The following PCDH15 variants were observed in gnomAD, a reference collection of about 807,000 sequenced individuals.
PCDH15 encodes the protein protocadherin related 15, also known as protocadherin-15.
PCDH15 carries 129 observed loss-of-function variants against 178.5 expected under a neutral mutation model. The observed-to-expected ratio is 0.72, with a 90% CI of 0.63 to 0.84. The LOEUF is 0.84. Ranked by LOEUF, PCDH15 falls within the 40% of genes least tolerant of loss-of-function variation. The pLI, the probability that PCDH15 is intolerant of heterozygous loss-of-function variation, is 0.00. For missense variants in PCDH15, 2,230 were observed against 2,099.9 expected (o/e 1.06, Z -1.21); for synonymous variants, 800 against 732.0 (o/e 1.09, Z -1.50).
intron 2 of PCDH15, among the ~76,000 whole-genome samples, chr10:54,640,037 G>T (rs1024243437): frequency 6.6e-6 from 1 of 152,166 alleles, no homozygotes; most frequent in East Asian, 1.9e-4. Flanking sequence ...GTGCATCACG[G>T]TCATACCTGT....
intron 1 of PCDH15, among the ~76,000 whole-genome samples, chr10:55,225,451 A>G (rs1260106945): frequency 6.6e-6 from 1 of 152,116 alleles, no homozygotes; most frequent in African/African-American, 2.4e-5. Flanking sequence ...TTGTATGATT[A>G]GAAGAGGATA....
intron 2 of PCDH15, among the ~76,000 whole-genome samples, chr10:54,968,056 C>G (rs924238518): frequency 2.6e-5 from 4 of 152,136 alleles, no homozygotes; most frequent in African/African-American, 9.7e-5. Flanking sequence ...GGAGTCACAA[C>G]ACAACCTATA....
intron 2 of PCDH15, among the ~76,000 whole-genome samples, chr10:54,635,467 A>G (rs185648949): frequency 6.6e-6 from 1 of 151,866 alleles, no homozygotes; most frequent in Non-Finnish European, 1.5e-5. Context: ...TACCTATTTT[A>G]TCTTGTATTC....
At chr10:53,957,503 G>T (rs199745329) in intron 23 of PCDH15, among the ~76,000 whole-genome samples, 32 of 140,594 alleles carry the variant, frequency 2.3e-4, no homozygotes, top group East Asian at 1.7e-3. Context: ...TATTTACTAT[G>T]TTTTTTTTTT....
chr10:54,786,664 G>GT (rs1367838921), intron 1 of PCDH15, among the ~76,000 whole-genome samples: 2 of 151,784 alleles, frequency 1.3e-5, no homozygotes, highest in Non-Finnish European at 2.9e-5. Context: ...TTAAATGAAG[G>GT]GTATGCTTTG....
intron 13 of PCDH15, among the ~76,000 whole-genome samples, chr10:54,157,278 G>A (rs1417116104): frequency 1.3e-5 from 2 of 152,226 alleles, no homozygotes; most frequent in African/African-American, 2.4e-5. Flanking sequence ...TTTTGTCTGG[G>A]CAACCAGGTG....
rs376917111 is a variant in PCDH15, at chr10:54,974,414, T to C, written c.-79-76914A>G. Among the ~76,000 whole-genome samples, 18 of 151,958 alleles carry C rather than the reference T, an allele frequency of 1.2e-4. 1 individual carries two copies. In the East Asian group the frequency reaches 3.1e-3, roughly 26 times the overall value. On this transcript the variant is annotated intron_variant, in intron 2 of 5. Coordinates refer to the PCDH15 transcript ENST00000458638. ...ACTAAGAAAGCTCTATTTATGTTGA[T>C]ACTTTATGTCCATAAAAAATTTAAA...
chr10:55,380,567 T>A (rs904862408), intron 2 of PCDH15, among the ~76,000 whole-genome samples: 1 of 152,170 alleles, frequency 6.6e-6, no homozygotes, highest in African/African-American at 2.4e-5. Flanking sequence ...TAGAAGAATT[T>A]GCTAGTGGCC....
intron 3 of PCDH15, among the ~76,000 whole-genome samples, chr10:54,441,021 AC>A (rs2075761559): frequency 6.6e-6 from 1 of 151,918 alleles, no homozygotes; most frequent in East Asian, 1.9e-4. Context: ...AACATAATTC[AC>A]AAAAAGTGTT....
chr10:55,267,855 C>T (rs1269813737), intron 1 of PCDH15, among the ~76,000 whole-genome samples: 1 of 152,064 alleles, frequency 6.6e-6, no homozygotes, highest in African/African-American at 2.4e-5. Context: ...ACAGGTTCCA[C>T]AGAAATCAAT....
chr10:55,081,009 A>G (rs1469699788), intron 2 of PCDH15, among the ~76,000 whole-genome samples: 1 of 152,142 alleles, frequency 6.6e-6, no homozygotes, highest in East Asian at 1.9e-4. Context: ...GTCACTTTTC[A>G]TAGCCCCAGA....
intron 2 of PCDH15, among the ~76,000 whole-genome samples, chr10:55,061,516 C>T (rs1485494144): frequency 2.0e-5 from 3 of 152,118 alleles, no homozygotes; most frequent in African/African-American, 7.2e-5. Context: ...CATTAAACAG[C>T]CTTCACCGTA....
chr10:53,913,731 G>A (rs1379862387), intron 25 of PCDH15, among the ~76,000 whole-genome samples: 20 of 150,526 alleles, frequency 1.3e-4, no homozygotes, highest in African/African-American at 4.2e-4. Context: ...ATGACAGAGC[G>A]AGACTCTGTC....
intron 1 of PCDH15, among the ~76,000 whole-genome samples, chr10:54,770,021 T>G (rs958935456): frequency 1.3e-5 from 2 of 152,122 alleles, no homozygotes; most frequent in Admixed American, 1.3e-4. Flanking sequence ...AAAATTTACT[T>G]CTTCAGTCAT....
chr10:53,930,691 C>A (rs2921919), intron 25 of PCDH15, among the ~76,000 whole-genome samples: 7,083 of 152,076 alleles, frequency 0.047, 508 homozygotes, highest in African/African-American at 0.16. Flanking sequence ...CTTACCAGAT[C>A]ACTGCCCCAG....
intron 2 of PCDH15, among the ~76,000 whole-genome samples, chr10:54,548,057 C>T (rs1434880001): frequency 2.0e-5 from 3 of 146,556 alleles, no homozygotes; most frequent in Non-Finnish European, 3.0e-5. Context: ...TGAAAACATG[C>T]GCCACTGCAC....
intron 3 of PCDH15, among the ~76,000 whole-genome samples, chr10:54,511,394 C>G (rs771922834): frequency 8.5e-5 from 13 of 152,120 alleles, no homozygotes; most frequent in Non-Finnish European, 1.8e-4. Flanking sequence ...ACTTTTCCTT[C>G]CCAGCTGCCA....
intron 2 of PCDH15, among the ~76,000 whole-genome samples, chr10:55,553,567 A>AACACAGAGG (rs1410914368): frequency 4.6e-5 from 7 of 151,844 alleles, no homozygotes; most frequent in Non-Finnish European, 7.4e-5. Context: ...TGTAGTATCT[A>AACACAGAGG]ACACAGAGGT....
intron 2 of PCDH15, among the ~76,000 whole-genome samples, chr10:55,053,975 G>A (rs2131991068): frequency 6.6e-6 from 1 of 152,304 alleles, no homozygotes; most frequent in East Asian, 1.9e-4. Context: ...GGAATAAGAA[G>A]TCTATTTTTA....
Sources: allele counts gnomAD v4.1 joint callset (sites outside exome capture counted in the v4.1 genomes callset), GRCh38; gene constraint gnomAD v4.1.1; transcripts MANE v1.5; gene names NCBI Gene and HGNC (gene_info 2026-07-23, HGNC 2026-07-21).